The following NAV3 variants were observed in gnomAD, a reference collection of about 807,000 sequenced individuals.
NAV3 encodes the protein neuron navigator 3.
NAV3 carries 87 observed loss-of-function variants against 244.7 expected under a neutral mutation model. The observed-to-expected ratio is 0.36, with a 90% CI of 0.30 to 0.42. NAV3 has a LOEUF of 0.42. Among genes scored for constraint, NAV3 ranks in the 20% least tolerant of loss-of-function variants. The probability of loss-of-function intolerance (pLI) is 1.00; values close to 1 mark genes in which losing one functional copy is unlikely to be tolerated. For missense variants in NAV3, 2,663 were observed against 2,893.3 expected (o/e 0.92, Z 1.83); for synonymous variants, 1,126 against 1,042.2 (o/e 1.08, Z -1.55).
intron 2 of NAV3, among the ~76,000 whole-genome samples, chr12:77,619,918 T>G (rs1311136648): frequency 6.6e-6 from 1 of 152,104 alleles, no homozygotes; most frequent in East Asian, 1.9e-4. Flanking sequence ...CTTTGGAAAT[T>G]TTCAAATGTT....
upstream of NAV3, among the ~76,000 whole-genome samples, chr12:77,826,823 G>A (rs953477496): frequency 8.5e-5 from 13 of 152,102 alleles, no homozygotes; most frequent in Non-Finnish European, 1.5e-4. Flanking sequence ...TGAATGAAGG[G>A]AATATTCTAC....
intron 12 of NAV3, among the ~76,000 whole-genome samples, chr12:78,109,136 C>T (rs1954954989): frequency 6.6e-6 from 1 of 151,692 alleles, no homozygotes; most frequent in Non-Finnish European, 1.5e-5. Flanking sequence ...ACAGATGCCA[C>T]AGAAATAAAA....
At chr12:77,654,209 G>A (rs1198619434) in intron 2 of NAV3, among the ~76,000 whole-genome samples, 3 of 152,224 alleles carry the variant, frequency 2.0e-5, no homozygotes, top group African/African-American at 4.8e-5. Flanking sequence ...GTCAAAGAAA[G>A]GGGTGACAGA....
intron 2 of NAV3, among the ~76,000 whole-genome samples, chr12:77,676,559 CTT>C (rs35737201): frequency 6.9e-6 from 1 of 145,094 alleles, no homozygotes; most frequent in African/African-American, 2.5e-5. Flanking sequence ...CCTTTAAAGC[CTT>C]TTTTTTTTTT....
At chr12:77,852,113 TA>T (rs1877619257) in intron 1 of NAV3, among the ~76,000 whole-genome samples, 1 of 152,158 alleles carries the variant, frequency 6.6e-6, no homozygotes. Context: ...AAAGTATAAA[TA>T]AAATGATGAC....
Position 78,007,159 on chromosome 12 carries a change from A to G in NAV3, c.1621A>G (p.Ile541Val), listed in dbSNP as rs533952691. Residue 541 changes from isoleucine (I) to valine (V), a missense_variant, in exon 8 of 40, where the codon ATT becomes GTT. This residue lies in a region of NAV3 where 1,521 missense variants were observed against 1,497.0 expected (regional missense o/e 1.02). Coordinates refer to ENST00000397909, the MANE Select transcript of NAV3 (RefSeq NM_001024383.2). ...GSKVPTVKQT[I>V]SPGSTASKES... is the part of the protein sequence containing the mutation. Reference sequence around the variant, plus strand: ...TAAAGTTCCAACAGTAAAGCAAACCATTTCACCTGGCAGCACAGCAAGCAA... The same window carrying G: ...TAAAGTTCCAACAGTAAAGCAAACCGTTTCACCTGGCAGCACAGCAAGCAA... 2.8e-5 allele frequency: 46 copies of G among 1,614,102 alleles called. No individual in the cohort carries two copies. In the South Asian group the frequency reaches 4.1e-4, roughly 14 times the overall value.
At chr12:77,595,650 A>G (rs1870133064) in intron 2 of NAV3, among the ~76,000 whole-genome samples, 1 of 152,156 alleles carries the variant, frequency 6.6e-6, no homozygotes. Flanking sequence ...AGCCCTAAAT[A>G]TATATAATTT....
intron 2 of NAV3, among the ~76,000 whole-genome samples, chr12:77,790,024 C>T (rs961104603): frequency 2.6e-5 from 4 of 152,080 alleles, no homozygotes; most frequent in Non-Finnish European, 4.4e-5. Flanking sequence ...CACCCAGTAA[C>T]CTTTTGAGAC....
chr12:77,655,870 G>A (rs1296806692), intron 2 of NAV3, among the ~76,000 whole-genome samples: 1 of 150,702 alleles, frequency 6.6e-6, no homozygotes, highest in Non-Finnish European at 1.5e-5. Context: ...CTTCATAAGT[G>A]AAGGAGAAAT....
At chr12:77,880,127 C>T (rs576667725) in intron 1 of NAV3, among the ~76,000 whole-genome samples, 1 of 152,084 alleles carries the variant, frequency 6.6e-6, no homozygotes, top group Non-Finnish European at 1.5e-5. Context: ...TGAATAGGGG[C>T]CCAAGCCTTC....
At chr12:77,969,984 G>A (rs962646878) in intron 5 of NAV3, among the ~76,000 whole-genome samples, 1 of 152,092 alleles carries the variant, frequency 6.6e-6, no homozygotes, top group African/African-American at 2.4e-5. Flanking sequence ...ACTAGTATTT[G>A]AAGGAATAAT....
chr12:78,018,440 T>C (rs1876596985), intron 8 of NAV3, among the ~76,000 whole-genome samples: 1 of 152,182 alleles, frequency 6.6e-6, no homozygotes, highest in African/African-American at 2.4e-5. Flanking sequence ...GCAAAAACTA[T>C]ACGGCTAAAA....
chr12:78,179,005 A>G (rs1000130919), intron 28 of NAV3, among the ~76,000 whole-genome samples: 1 of 152,136 alleles, frequency 6.6e-6, no homozygotes, highest in Non-Finnish European at 1.5e-5. Flanking sequence ...TTAAATGTCC[A>G]AAAGTAATAT....
chr12:77,850,997 A>T (rs963186754), intron 1 of NAV3, among the ~76,000 whole-genome samples: 2 of 152,228 alleles, frequency 1.3e-5, no homozygotes, highest in Admixed American at 6.5e-5. Context: ...ACTGGGACAC[A>T]TAAGAACTTT....
At chr12:77,819,400 G>A (rs1872644169) in intron 2 of NAV3, among the ~76,000 whole-genome samples, 1 of 151,314 alleles carries the variant, frequency 6.6e-6, no homozygotes, top group Admixed American at 6.6e-5. Context: ...TTCTTTAGGT[G>A]AAAATCTAGT....
intron 22 of NAV3, among the ~76,000 whole-genome samples, chr12:78,154,294 TA>T (rs945891097): frequency 1.8e-4 from 26 of 142,484 alleles, no homozygotes; most frequent in African/African-American, 6.4e-4. Flanking sequence ...TACTACTATA[TA>T]TTACTATATA....
chr12:77,767,854 G>A (rs1017929028), intron 2 of NAV3, among the ~76,000 whole-genome samples: 1 of 152,342 alleles, frequency 6.6e-6, no homozygotes, highest in African/African-American at 2.4e-5. Context: ...GAGCAAAGGA[G>A]GTGTGTGACA....
chr12:77,829,736 C>A (rs1287841487), upstream of NAV3, among the ~76,000 whole-genome samples: 2 of 152,154 alleles, frequency 1.3e-5, no homozygotes, highest in African/African-American at 4.8e-5. Flanking sequence ...CATTTCCTGT[C>A]TTCTATGCTG....
At chr12:77,926,632 C>T (rs909276414) in intron 1 of NAV3, among the ~76,000 whole-genome samples, 1 of 152,210 alleles carries the variant, frequency 6.6e-6, no homozygotes, top group East Asian at 1.9e-4. Flanking sequence ...ATTCCATCCA[C>T]GCCAGAGGTT....
Sources: gnomAD v4.1 joint callset for allele counts (sites outside exome capture counted in the v4.1 genomes callset) on GRCh38, gnomAD v4.1.1 for gene constraint, gnomAD v4.1.1 regional missense constraint, MANE v1.5 for transcripts, NCBI Gene and HGNC (gene_info 2026-07-23, HGNC 2026-07-21) for gene names.